CDH12: variants seen among roughly 807,000 people sequenced by gnomAD.
The protein encoded by CDH12 is cadherin-12.
Under a neutral mutation model 74.1 loss-of-function variants are expected in CDH12, and 41 were observed. The observed-to-expected ratio is 0.55, with a 90% confidence interval of 0.43 to 0.72. The LOEUF is 0.72. Among genes scored for constraint, CDH12 ranks in the 30% least tolerant of loss-of-function variants. CDH12 has a pLI of 0.00. For synonymous variants in CDH12, 399 were observed against 355.0 expected, an observed-to-expected ratio of 1.12 and a Z score of -1.39; for missense variants, 945 against 977.2, an observed-to-expected ratio of 0.97 and a Z score of 0.44.
chr5:21,870,818 A>G (rs1029903299), intron 6 of CDH12, among the ~76,000 whole-genome samples: 1 of 150,066 alleles, frequency 6.7e-6, no homozygotes, highest in Non-Finnish European at 1.5e-5. Context: ...TGCAGCCCCA[A>G]CCTGGTGAAC....
intron 1 of CDH12, among the ~76,000 whole-genome samples, chr5:22,666,321 T>G (rs1405465432): frequency 7.1e-6 from 1 of 141,366 alleles, no homozygotes; most frequent in Non-Finnish European, 1.5e-5. Context: ...ACGGAGTCTG[T>G]CTCTGACGCC....
intron 1 of CDH12, among the ~76,000 whole-genome samples, chr5:22,628,164 C>T (rs191115671): frequency 6.6e-6 from 1 of 151,934 alleles, no homozygotes; most frequent in South Asian, 2.1e-4. Flanking sequence ...TGAGAGACTT[C>T]AACACTCCAC....
intron 6 of CDH12, among the ~76,000 whole-genome samples, chr5:21,972,628 A>T (rs1392809590): frequency 6.6e-6 from 1 of 152,152 alleles, no homozygotes; most frequent in Non-Finnish European, 1.5e-5. Flanking sequence ...GTTGTTGCTT[A>T]GTTGTAAGTT....
intron 1 of CDH12, among the ~76,000 whole-genome samples, chr5:22,626,547 A>C (rs1185290745): frequency 6.6e-6 from 1 of 152,184 alleles, no homozygotes; most frequent in Non-Finnish European, 1.5e-5. Context: ...TTATACCAGA[A>C]TCAAACCCCT....
chr5:22,811,990 C>T (rs1346808374), intron 1 of CDH12, among the ~76,000 whole-genome samples: 3 of 152,026 alleles, frequency 2.0e-5, no homozygotes, highest in Admixed American at 6.6e-5. Flanking sequence ...GACACTGGCT[C>T]TTTAGGGGCA....
At chr5:22,836,213 C>CTCTTT (rs1402972549) in intron 1 of CDH12, among the ~76,000 whole-genome samples, 9 of 37,954 alleles carry the variant, frequency 2.4e-4, no homozygotes, top group Non-Finnish European at 3.7e-4. Flanking sequence ...TTCTTTTTTT[C>CTCTTT]TTTCTTTCTC....
chr5:22,358,752 G>C (rs1044226600), intron 3 of CDH12, among the ~76,000 whole-genome samples: 11 of 152,170 alleles, frequency 7.2e-5, no homozygotes, highest in Non-Finnish European at 1.6e-4. Context: ...GTGACCATAA[G>C]AGTGATGACA....
intron 4 of CDH12, among the ~76,000 whole-genome samples, chr5:22,145,690 T>G (rs1372130375): frequency 6.6e-6 from 1 of 152,104 alleles, no homozygotes; most frequent in Non-Finnish European, 1.5e-5. Context: ...CAGTTAAGTA[T>G]TTCATCTCCA....
chr5:22,683,591 G>A (rs2126932608), intron 1 of CDH12, among the ~76,000 whole-genome samples: 1 of 152,180 alleles, frequency 6.6e-6, no homozygotes, highest in Middle Eastern at 3.4e-3. Context: ...TTTCTGCATT[G>A]AAAAAGCAAT....
chr5:21,832,885 T>TAAATCA (rs571662527), intron 8 of CDH12, among the ~76,000 whole-genome samples: 2 of 54,402 alleles, frequency 3.7e-5, no homozygotes, highest in African/African-American at 3.2e-4. Context: ...TGATATAATA[T>TAAATCA]TAATATATAT....
At chr5:22,337,361 C>T (rs762221456) in intron 3 of CDH12, among the ~76,000 whole-genome samples, 9 of 152,068 alleles carry the variant, frequency 5.9e-5, no homozygotes, top group Non-Finnish European at 1.2e-4. Flanking sequence ...AATGTGAGGA[C>T]ATTTGGGAGG....
At chr5:22,448,760 T>C (rs1335076238) in intron 2 of CDH12, among the ~76,000 whole-genome samples, 1 of 151,932 alleles carries the variant, frequency 6.6e-6, no homozygotes, top group African/African-American at 2.4e-5. Flanking sequence ...ATACAAAGAG[T>C]ATATATTTCC....
intron 1 of CDH12, among the ~76,000 whole-genome samples, chr5:22,686,818 C>T (rs1252845036): frequency 2.6e-5 from 4 of 152,182 alleles, no homozygotes; most frequent in Non-Finnish European, 5.9e-5. Context: ...CAGATCTCTA[C>T]AGGTTATCAT....
chr5:22,680,773 ATC>A (rs1321875111), intron 1 of CDH12, among the ~76,000 whole-genome samples: 1 of 151,708 alleles, frequency 6.6e-6, no homozygotes, highest in South Asian at 2.1e-4. Context: ...CTTATTCACA[ATC>A]TCTCTCTTCT....
chr5:22,692,249 G>A (rs1372779987), intron 1 of CDH12, among the ~76,000 whole-genome samples: 1 of 152,156 alleles, frequency 6.6e-6, no homozygotes, highest in African/African-American at 2.4e-5. Flanking sequence ...AGATGCAGAT[G>A]GTGGTGTCCG....
intron 1 of CDH12, among the ~76,000 whole-genome samples, chr5:22,567,313 C>T (rs143782495): frequency 6.6e-5 from 10 of 152,254 alleles, no homozygotes; most frequent in African/African-American, 2.2e-4. Flanking sequence ...AACCTGGAAA[C>T]CCAATTTGAA....
At chr5:22,498,027 C>G (rs1747177883) in intron 2 of CDH12, among the ~76,000 whole-genome samples, 1 of 152,120 alleles carries the variant, frequency 6.6e-6, no homozygotes. Context: ...TTTTGAATAG[C>G]TCTTACCTTA....
chr5:22,620,443 CACAA>C (rs1737912975), intron 1 of CDH12, among the ~76,000 whole-genome samples: 1 of 151,836 alleles, frequency 6.6e-6, no homozygotes, highest in Non-Finnish European at 1.5e-5. Context: ...AGAGGTGACT[CACAA>C]ACAAAACACT....
intron 1 of CDH12, among the ~76,000 whole-genome samples, chr5:22,587,145 A>T (rs1740446074): frequency 6.6e-6 from 1 of 151,962 alleles, no homozygotes; most frequent in Admixed American, 6.6e-5. Context: ...CTAGAAGTGG[A>T]CTTTTAAGAG....
Sources: allele counts gnomAD v4.1 joint callset (sites outside exome capture counted in the v4.1 genomes callset), GRCh38; gene constraint gnomAD v4.1.1; transcripts MANE v1.5; gene names NCBI Gene and HGNC (gene_info 2026-07-23, HGNC 2026-07-21).